PCDHGB2: variants seen among roughly 807,000 people sequenced by gnomAD.
PCDHGB2 encodes protocadherin gamma subfamily B, 2, also known as protocadherin gamma-B2.
Under a neutral mutation model 59.3 loss-of-function variants are expected in PCDHGB2, and 55 were observed. The observed-to-expected ratio is 0.93, with a 90% confidence interval of 0.75 to 1.16. The LOEUF (loss-of-function observed/expected upper bound fraction) is 1.16. Ranked by LOEUF, PCDHGB2 falls within the 50% of genes most tolerant of loss-of-function variation. PCDHGB2 has a pLI of 0.00. For synonymous variants in PCDHGB2, 516 were observed against 512.0 expected, an observed-to-expected ratio of 1.01 and a Z score of -0.11; for missense variants, 1,228 against 1,198.5, an observed-to-expected ratio of 1.02 and a Z score of -0.36.
rs2099643895 is a variant in PCDHGB2 at position 141,487,385 on chromosome 5, C to T, written c.2422-7422C>T. 1.9e-6 allele frequency: 3 copies of T among 1,614,160 alleles called. No homozygotes were observed. The highest frequency in any genetic ancestry group is 1.1e-5 in the South Asian group (1 of 91,086). On this transcript the variant is annotated intron_variant, in intron 1 of 3. Transcript: ENST00000522605. This position sits in a 1 kb window ranked among gnomAD's most constrained non-coding sequence, Gnocchi z 5.0. Reference sequence around the variant, plus strand: ...CACCTGTGCCTGTCTCACCAGATCTCGAAGGAGGGAGGGGCTTCCCCCTTC... The same window carrying T: ...CACCTGTGCCTGTCTCACCAGATCTTGAAGGAGGGAGGGGCTTCCCCCTTC...
At position 141,511,146 on chromosome 5, in the gene PCDHGB2, G is replaced by T; in HGVS notation, c.2769G>T (p.Lys923Asn). 1 of 1,614,208 alleles carries T rather than the reference G, an allele frequency of 6.2e-7. No individual in the cohort carries two copies. Among genetic ancestry groups the T allele is most frequent in the Non-Finnish European group, 8.5e-7 (1 of 1,180,018 alleles). The change falls in exon 4 of 4, where the codon AAG becomes AAT. Residue 923 changes from lysine to asparagine, a missense_variant. Lys to Asn is a moderately conservative substitution (Grantham distance 94). Coordinates refer to ENST00000522605, the MANE Select transcript of PCDHGB2 (RefSeq NM_018923.3). Reference protein sequence around the residue: ...KAPAGGNGNKKKSGKKEKK With the variant: ...KAPAGGNGNKNKSGKKEKK The stretch of plus-strand genomic sequence containing the variant: ...CAGCAGGTGGCAATGGCAACAAGAA[G>T]AAGTCGGGCAAGAAGGAGAAGAAGT...
At chr5:141,480,948 G>C (rs1288557779) in intron 1 of PCDHGB2, among the ~76,000 whole-genome samples, 1 of 152,138 alleles carries the variant, frequency 6.6e-6, no homozygotes, top group Non-Finnish European at 1.5e-5. Context: ...TAGAGGCTGA[G>C]GCGGAAGCAT....
chr5:141,495,465 G>T (rs563411010), intron 2 of PCDHGB2, among the ~76,000 whole-genome samples: 11 of 152,298 alleles, frequency 7.2e-5, no homozygotes, highest in African/African-American at 2.4e-4. Flanking sequence ...TGTCTGTGGG[G>T]TCTCCGTGTC....
intron 1 of PCDHGB2, chr5:141,414,410 G>A (rs1216701146): frequency 1.2e-6 from 2 of 1,613,856 alleles, no homozygotes; most frequent in Non-Finnish European, 1.7e-6. Context: ...GTGATACACA[G>A]AGCCCTTGAC....
At chr5:141,383,465 C>A (rs199737560) in intron 1 of PCDHGB2, 8 of 1,613,792 alleles carry the variant, frequency 5.0e-6, no homozygotes, top group Non-Finnish European at 5.9e-6. Context: ...GACGATGAAA[C>A]TAAGTACCCG....
Position 141,511,502 on chromosome 5 carries a change from A to C in PCDHGB2, c.*329A>C. The C allele has an allele frequency of 2.0e-5, 8 of 395,260 alleles. No individual in the cohort carries two copies. The highest frequency in any genetic ancestry group is 4.1e-5 in the African/African-American group (2 of 48,892). The allele number at this position is 395,260 out of a possible 1,614,324, so 24.5% of individuals were successfully genotyped here. A position where few individuals can be genotyped will look rare whatever the true frequency, so the allele number is the denominator to read the frequency against. ...CTGAACTCCTCCATCTTCCAAATCA[A>C]TCAGGCCCATCCATCCCATGCCTCC... On this transcript the variant is annotated 3_prime_UTR_variant, in exon 4 of 4. Transcript: ENST00000522605.
intron 1 of PCDHGB2, chr5:141,384,125 A>T (rs376990785): frequency 1.2e-6 from 2 of 1,610,814 alleles, no homozygotes; most frequent in Non-Finnish European, 1.7e-6. Flanking sequence ...ACAACCAAAA[A>T]CTTGGACCGG....
chr5:141,491,896 C>A lies in PCDHGB2; in HGVS notation c.2422-2911C>A. ...CGATTAAGGGATGGGGCTCCGAGCA[C>A]CGGGGGTGGTGGCGACTGTGGGCGA... On this transcript the variant is annotated intron_variant, in intron 1 of 3. Coordinates refer to ENST00000522605, the MANE Select transcript of PCDHGB2 (RefSeq NM_018923.3). This position sits in a 1 kb window ranked among gnomAD's most constrained non-coding sequence, Gnocchi z 6.9. 1 of 1,434,504 alleles carries A rather than the reference C, an allele frequency of 7.0e-7. No homozygotes were observed. Among genetic ancestry groups the A allele is most frequent in the Non-Finnish European group, 9.2e-7 (1 of 1,084,690 alleles). The allele number at this position is 1,434,504 out of a possible 1,614,324, so 88.9% of individuals were successfully genotyped here.
chr5:141,392,750 G>A lies in PCDHGB2; in HGVS notation c.2421+30194G>A, dbSNP rs561923783. On this transcript the variant is annotated intron_variant, in intron 1 of 3. Coordinates refer to ENST00000522605, the MANE Select transcript of PCDHGB2 (RefSeq NM_018923.3). ...ATTGTCATCTCCATAGCTGCGGCAAGAAACTAAATAAGACCCATTTATGCA... is the reference window on the plus strand; with the variant it reads ...ATTGTCATCTCCATAGCTGCGGCAAAAAACTAAATAAGACCCATTTATGCA... 25 of 1,451,824 alleles carry A rather than the reference G, an allele frequency of 1.7e-5. No homozygotes were observed. In the Admixed American group the frequency reaches 4.2e-4, roughly 24 times the overall value. The allele number at this position is 1,451,824 out of a possible 1,614,324, so 89.9% of individuals were successfully genotyped here.
chr5:141,505,633 A>C, intron 3 of PCDHGB2, 152 bp downstream of exon 3: 3 of 1,471,286 alleles, frequency 2.0e-6, no homozygotes, highest in South Asian at 1.3e-5. Context: ...TCCAAACATA[A>C]AGCCTGGAAT....
chr5:141,374,029 A>C (rs1460112886), intron 1 of PCDHGB2: 3 of 1,428,780 alleles, frequency 2.1e-6, no homozygotes. Flanking sequence ...AGCAAAAGTG[A>C]TGCAGATCTG....
Position 141,490,916 on chromosome 5 carries a change from A to C in PCDHGB2, c.2422-3891A>C. 1 of 1,613,724 alleles carries C rather than the reference A, an allele frequency of 6.2e-7. No homozygotes were observed. Among genetic ancestry groups the C allele is most frequent in the Non-Finnish European group, 8.5e-7 (1 of 1,179,736 alleles). ...CATGTGTTTGTCCTAGACGAGAATG[A>C]TAATGCCCCAGCTGTGCTGCACCCA... is the stretch of plus-strand genomic sequence containing the variant. On this transcript the variant is annotated intron_variant, in intron 1 of 3. Transcript: ENST00000522605. This position sits in a 1 kb window ranked among gnomAD's most constrained non-coding sequence, Gnocchi z 5.4.
chr5:141,384,609 T>A (rs967686346), intron 1 of PCDHGB2: 5 of 1,614,148 alleles, frequency 3.1e-6, no homozygotes, highest in African/African-American at 1.3e-5. Flanking sequence ...TCCCCACAGA[T>A]GGTTCTACTG....
At chr5:141,406,497 G>A (rs918411920) in intron 1 of PCDHGB2, among the ~76,000 whole-genome samples, 2 of 152,200 alleles carry the variant, frequency 1.3e-5, no homozygotes, top group African/African-American at 4.8e-5. Context: ...TCACAAGTGT[G>A]TAAAGTCTGT....
rs181806844 is a variant in PCDHGB2 at position 141,445,046 on chromosome 5, G to T, written c.2422-49761G>T. Among the ~76,000 whole-genome samples the T allele has an allele frequency of 1.2e-4, 19 of 152,248 alleles. No individual in the cohort carries two copies. The East Asian group carries it at 3.7e-3, about 29-fold the overall frequency. ...TCAGCTATGTTGTATAGTTTTCAGT[G>T]TAGAGAGGTCATGTATATTTCTCAT... On this transcript the variant is annotated intron_variant, in intron 1 of 3. Transcript: ENST00000522605.
At chr5:141,471,932 A>T (rs1015576042) in intron 1 of PCDHGB2, among the ~76,000 whole-genome samples, 1 of 152,158 alleles carries the variant, frequency 6.6e-6, no homozygotes, top group Non-Finnish European at 1.5e-5. Context: ...GGGGGTGATG[A>T]GAGTTTTCTA....
chr5:141,427,355 C>A (rs765449381), intron 1 of PCDHGB2: 9 of 457,430 alleles, frequency 2.0e-5, no homozygotes, highest in Non-Finnish European at 3.5e-5. Context: ...TAACTGAGGA[C>A]GCAGAACCCT....
Position 141,360,161 on chromosome 5 carries a change from G to A in PCDHGB2, c.26G>A (p.Gly9Glu). The A allele has an allele frequency of 6.2e-7, 1 of 1,606,974 alleles. No homozygotes were observed. Among genetic ancestry groups the A allele is most frequent in the Non-Finnish European group, 8.5e-7 (1 of 1,176,352 alleles). Residue 9 changes from glycine to glutamate, a missense_variant, in exon 1 of 4, where the codon GGG becomes GAG. Physicochemically the swap from Gly to Glu is moderately conservative, Grantham distance 98. Transcript: ENST00000522605. MKASSGRC[G>E]LVRWLQVLLP... ...ATGAAAGCGAGCTCAGGGAGGTGCG[G>A]GCTGGTGCGGTGGCTGCAGGTACTG...
At chr5:141,371,216 T>C (rs375835701) in intron 1 of PCDHGB2, 5 of 1,614,056 alleles carry the variant, frequency 3.1e-6, no homozygotes, top group Middle Eastern at 1.6e-4. Flanking sequence ...AGGGCATCAA[T>C]GCCGAAATCA....
Sources: allele counts gnomAD v4.1 joint callset (sites outside exome capture counted in the v4.1 genomes callset), GRCh38; gene constraint gnomAD v4.1.1; non-coding constraint Gnocchi (gnomAD v3.1); transcripts MANE v1.5; gene names NCBI Gene and HGNC (gene_info 2026-07-23, HGNC 2026-07-21).